Variants in OXR1 observed in about 807,000 individuals in gnomAD.
OXR1 encodes the protein oxidation resistance 1, also known as oxidation resistance protein 1.
OXR1 carries 41 observed loss-of-function variants against 104.6 expected under a neutral mutation model. That is an observed-to-expected ratio of 0.39 (90% confidence interval 0.31 to 0.51). The LOEUF (loss-of-function observed/expected upper bound fraction) is 0.51, where lower values mean the gene tolerates loss of function less well. Ranked by LOEUF, OXR1 falls within the 20% of genes least tolerant of loss-of-function variation. The pLI is 0.77. For missense variants in OXR1, 955 were observed against 1,031.9 expected (o/e 0.93, Z 1.02); for synonymous variants, 348 against 348.4 (o/e 1.00, Z 0.01).
intron 2 of OXR1, among the ~76,000 whole-genome samples, chr8:106,392,923 T>G (rs1334075338): frequency 6.6e-6 from 1 of 152,206 alleles, no homozygotes; most frequent in Non-Finnish European, 1.5e-5. Context: ...TTCTTTAGAT[T>G]TTCTTGCCAT....
chr8:106,620,269 T>A (rs887383838), intron 3 of OXR1, among the ~76,000 whole-genome samples: 3 of 152,192 alleles, frequency 2.0e-5, no homozygotes, highest in African/African-American at 7.2e-5. Context: ...CTTTTTAAAA[T>A]CTAAAATCAC....
At chr8:106,647,943 T>A (rs1824223355) in intron 3 of OXR1, among the ~76,000 whole-genome samples, 2 of 152,250 alleles carry the variant, frequency 1.3e-5, no homozygotes, top group African/African-American at 4.8e-5. Flanking sequence ...CAGCTCTCAC[T>A]TTTACCATTT....
At chr8:106,702,809 T>C (rs887798055) in intron 7 of OXR1, 97 bp from the exon 8 acceptor site, 2 of 896,078 alleles carry the variant, frequency 2.2e-6, no homozygotes, top group Non-Finnish European at 3.3e-6. Context: ...TATTTTTATA[T>C]ATGGCCTAAC....
intron 2 of OXR1, among the ~76,000 whole-genome samples, chr8:106,424,847 A>G (rs901393529): frequency 1.3e-5 from 2 of 151,912 alleles, no homozygotes; most frequent in Non-Finnish European, 1.5e-5. Flanking sequence ...TTATTTTCTT[A>G]TTAGTGAGGA....
chr8:106,696,724 C>CT lies in OXR1; in HGVS notation c.675+3857dup, dbSNP rs559261137. Among the ~76,000 whole-genome samples, 852 of 150,278 alleles carry CT rather than the reference C, an allele frequency of 5.7e-3. 5 individuals are homozygous for CT. Among genetic ancestry groups the CT allele is most frequent in the African/African-American group, 0.018 (745 of 41,020 alleles). On this transcript the variant is annotated intron_variant, in intron 7 of 16. Coordinates refer to ENST00000517566, the MANE Select transcript of OXR1 (RefSeq NM_001198533.2). ...TCTAATGGCATATTATATTAAGCGTCTTTTTTTTTTCCTATTCAGAAATGA... is the reference window on the plus strand; with the variant it reads ...TCTAATGGCATATTATATTAAGCGTCTTTTTTTTTTTCCTATTCAGAAATGA...
rs1327140653 is a variant in OXR1, at chr8:106,641,135, C to T, written c.221-38075C>T. Among the ~76,000 whole-genome samples the T allele has an allele frequency of 3.3e-5, 5 of 152,284 alleles. No homozygotes were observed. In the East Asian group the frequency reaches 7.7e-4, roughly 23 times the overall value. ...GAAACATCATTCTGTTAGCCATAAA[C>T]TTTTTTGCACACAGCTGTCTTCTTC... On this transcript the variant is annotated intron_variant, in intron 3 of 16. Coordinates refer to ENST00000517566, the MANE Select transcript of OXR1 (RefSeq NM_001198533.2).
intron 2 of OXR1, among the ~76,000 whole-genome samples, chr8:106,471,109 G>A (rs1352156896): frequency 2.0e-5 from 3 of 151,544 alleles, no homozygotes; most frequent in Non-Finnish European, 4.4e-5. Context: ...GGGGAAGTGG[G>A]ATCAAAAGAA....
intron 15 of OXR1, among the ~76,000 whole-genome samples, chr8:106,743,150 C>T (rs182933355): frequency 6.6e-6 from 1 of 152,066 alleles, no homozygotes; most frequent in Non-Finnish European, 1.5e-5. Flanking sequence ...AGAAGACATA[C>T]ATGTGGCCAA....
intron 11 of OXR1, among the ~76,000 whole-genome samples, chr8:106,715,508 C>G (rs185677932): frequency 2.6e-5 from 4 of 151,052 alleles, no homozygotes; most frequent in African/African-American, 9.7e-5. Context: ...TTAGAAGGTA[C>G]TTAAAATAGC....
intron 3 of OXR1, among the ~76,000 whole-genome samples, chr8:106,560,534 C>T (rs1816600015): frequency 6.6e-6 from 1 of 152,090 alleles, no homozygotes; most frequent in South Asian, 2.1e-4. Context: ...TCTGAAGCAT[C>T]TGTAAGACCT....
intron 2 of OXR1, among the ~76,000 whole-genome samples, chr8:106,426,498 G>T (rs994029777): frequency 1.1e-4 from 17 of 152,146 alleles, no homozygotes; most frequent in African/African-American, 3.6e-4. Flanking sequence ...TGTGGTCTTA[G>T]ATTTCTTCTG....
At chr8:106,663,184 C>G (rs1360806782) in intron 3 of OXR1, among the ~76,000 whole-genome samples, 1 of 152,104 alleles carries the variant, frequency 6.6e-6, no homozygotes, top group African/African-American at 2.4e-5. Context: ...TTATTTAATC[C>G]TAATAAAAAC....
intron 3 of OXR1, among the ~76,000 whole-genome samples, chr8:106,531,730 A>T (rs1814107707): frequency 6.6e-6 from 1 of 152,190 alleles, no homozygotes; most frequent in Non-Finnish European, 1.5e-5. Flanking sequence ...AAATCAGCAC[A>T]ATAATATTTA....
intron 1 of OXR1, among the ~76,000 whole-genome samples, chr8:106,305,884 A>G (rs193110239): frequency 6.6e-6 from 1 of 152,278 alleles, no homozygotes; most frequent in East Asian, 1.9e-4. Flanking sequence ...CCACAGTTTT[A>G]TACTAGAGAA....
intron 2 of OXR1, among the ~76,000 whole-genome samples, chr8:106,401,149 C>T (rs868170586): frequency 5.3e-5 from 8 of 152,176 alleles, no homozygotes; most frequent in African/African-American, 7.2e-5. Context: ...AATGTCATCA[C>T]GCATCTGGCC....
intron 2 of OXR1, among the ~76,000 whole-genome samples, chr8:106,459,318 T>A (rs2130642770): frequency 6.6e-6 from 1 of 152,214 alleles, no homozygotes; most frequent in African/African-American, 2.4e-5. Flanking sequence ...CTGCCCTCTC[T>A]TATGTTTTCT....
At chr8:106,669,503 T>G (rs1587018625) in intron 3 of OXR1, among the ~76,000 whole-genome samples, 1 of 152,192 alleles carries the variant, frequency 6.6e-6, no homozygotes, top group East Asian at 1.9e-4. Context: ...ACAGGTTTTT[T>G]TCCCTAGTAT....
At chr8:106,732,075 C>CT (rs1164951765) in intron 11 of OXR1, among the ~76,000 whole-genome samples, 1 of 151,984 alleles carries the variant, frequency 6.6e-6, no homozygotes, top group African/African-American at 2.4e-5. Context: ...CAGTTTTCTA[C>CT]TTTTTTTCAC....
chr8:106,557,682 C>T (rs1299142421), intron 3 of OXR1, among the ~76,000 whole-genome samples: 1 of 151,986 alleles, frequency 6.6e-6, no homozygotes, highest in Non-Finnish European at 1.5e-5. Flanking sequence ...AGCATTTATT[C>T]GCTCTCTCTG....
Sources: gnomAD v4.1 joint callset for allele counts (sites outside exome capture counted in the v4.1 genomes callset) on GRCh38, gnomAD v4.1.1 for gene constraint, MANE v1.5 for transcripts, NCBI Gene and HGNC (gene_info 2026-07-23, HGNC 2026-07-21) for gene names.